The following SGK3 variants were observed in gnomAD, a reference collection of about 807,000 sequenced individuals.
SGK3 encodes serine/threonine-protein kinase Sgk3.
SGK3 carries 47 observed loss-of-function variants against 68.5 expected under a neutral mutation model. That is an observed-to-expected ratio of 0.69 (90% CI 0.54 to 0.87). The LOEUF (loss-of-function observed/expected upper bound fraction) is 0.87. SGK3 is among the 40% of genes least tolerant of loss of function. The probability of loss-of-function intolerance (pLI) is 0.00; values close to 1 mark genes in which losing one functional copy is unlikely to be tolerated. For missense variants in SGK3, 479 were observed against 575.5 expected, an observed-to-expected ratio of 0.83 and a Z score of 1.72; for synonymous variants, 181 against 189.1, an observed-to-expected ratio of 0.96 and a Z score of 0.35.
chr8:66,856,005 A>G (rs1298763545), intron 16 of SGK3, among the ~76,000 whole-genome samples: 4 of 152,198 alleles, frequency 2.6e-5, no homozygotes, highest in Non-Finnish European at 5.9e-5. Flanking sequence ...TCTCAAAATT[A>G]AAGTTCCAGA....
At chr8:66,732,701 TG>T (rs1805200770) in intron 1 of SGK3, among the ~76,000 whole-genome samples, 1 of 151,928 alleles carries the variant, frequency 6.6e-6, no homozygotes, top group Non-Finnish European at 1.5e-5. Context: ...AAAAATTAGC[TG>T]GGCATGGTGG....
At chr8:66,822,499 A>G in intron 6 of SGK3, 40 bp downstream of exon 6, 1 of 1,585,290 alleles carries the variant, frequency 6.3e-7, no homozygotes, top group Non-Finnish European at 8.6e-7. Flanking sequence ...AAAAAATACT[A>G]TTCCAAAGGT....
chr8:66,818,891 A>C (rs1269462092), intron 5 of SGK3, among the ~76,000 whole-genome samples: 1 of 152,338 alleles, frequency 6.6e-6, no homozygotes, highest in East Asian at 1.9e-4. Context: ...TTTGGTGCAC[A>C]TGTGCCAACA....
At chr8:66,810,621 A>G (rs541004992) in intron 4 of SGK3, among the ~76,000 whole-genome samples, 23 of 152,292 alleles carry the variant, frequency 1.5e-4, no homozygotes, top group Non-Finnish European at 2.6e-4. Flanking sequence ...GAATCGCTTG[A>G]ACCTGGGAGG....
chr8:66,855,288 C>T (rs556049514), intron 16 of SGK3, among the ~76,000 whole-genome samples: 9 of 152,248 alleles, frequency 5.9e-5, no homozygotes, highest in East Asian at 3.9e-4. Flanking sequence ...CTGAAACCTC[C>T]GCCTCCCGGG....
intron 6 of SGK3, among the ~76,000 whole-genome samples, chr8:66,828,232 T>A (rs1287802034): frequency 6.6e-6 from 1 of 152,242 alleles, no homozygotes; most frequent in Non-Finnish European, 1.5e-5. Flanking sequence ...TTTGCAATCA[T>A]CATTGTCATC....
At position 66,831,124 on chromosome 8, in the gene SGK3, A is replaced by G. The variant is rs979295303; in HGVS notation, c.468-130A>G. On this transcript the variant is annotated intron_variant, in intron 7 of 16. Transcript: ENST00000521198. Reference sequence around the variant, plus strand: ...TGAAAGATGAAGTACTCAGCAGGAAAGCTAGAGTTAATAGGCTGAAGTGTT... The same window carrying G: ...TGAAAGATGAAGTACTCAGCAGGAAGGCTAGAGTTAATAGGCTGAAGTGTT... The G allele has an allele frequency of 7.0e-6, 7 of 994,014 alleles. No homozygotes were observed. The African/African-American group carries it at 1.1e-4, about 16-fold the overall frequency. 61.6% of individuals were successfully genotyped at this position (994,014 alleles called of 1,614,324 possible).
intron 3 of SGK3, among the ~76,000 whole-genome samples, chr8:66,799,391 A>C (rs1471408977): frequency 6.6e-6 from 1 of 152,204 alleles, no homozygotes; most frequent in African/African-American, 2.4e-5. Flanking sequence ...GCAAGACACC[A>C]TCTAAAAAAA....
chr8:66,835,645 G>A (rs1585790166), intron 8 of SGK3, 118 bp from the exon 9 acceptor site: 1 of 1,058,712 alleles, frequency 9.4e-7, no homozygotes, highest in Non-Finnish European at 1.3e-6. Context: ...ACATGATCTA[G>A]GTCCCTTATG....
intron 1 of SGK3, among the ~76,000 whole-genome samples, chr8:66,792,329 C>CAAAA (rs1215954300): frequency 3.7e-5 from 2 of 53,554 alleles, no homozygotes; most frequent in South Asian, 6.3e-4. Context: ...AACTCCATCT[C>CAAAA]AAAAAAAAAA....
At chr8:66,761,119 T>A (rs1267874562) in intron 1 of SGK3, among the ~76,000 whole-genome samples, 1 of 152,146 alleles carries the variant, frequency 6.6e-6, no homozygotes, top group Non-Finnish European at 1.5e-5. Flanking sequence ...TTTATTTAAT[T>A]TTTAGAGACA....
intron 1 of SGK3, chr8:66,775,704 G>C (rs2130503495): frequency 6.6e-6 from 1 of 152,444 alleles, no homozygotes; most frequent in East Asian, 1.9e-4. Context: ...AAACCCGATA[G>C]TGAGCTTGCG....
At chr8:66,765,301 A>G (rs1305840769) in intron 1 of SGK3, among the ~76,000 whole-genome samples, 1 of 151,880 alleles carries the variant, frequency 6.6e-6, no homozygotes, top group African/African-American at 2.4e-5. Context: ...GCGTTTCCCT[A>G]ATGACTAATG....
intron 1 of SGK3, chr8:66,737,362 A>C (rs1805351357): frequency 6.6e-6 from 1 of 152,058 alleles, no homozygotes; most frequent in Non-Finnish European, 1.5e-5. Context: ...CTTAAAAAAA[A>C]AAAAATTCTG....
intron 1 of SGK3, among the ~76,000 whole-genome samples, chr8:66,742,878 T>C (rs1238119057): frequency 2.0e-5 from 3 of 152,152 alleles, no homozygotes; most frequent in Non-Finnish European, 4.4e-5. Flanking sequence ...GTCTCCATTT[T>C]CCACTCCTCT....
intron 4 of SGK3, among the ~76,000 whole-genome samples, chr8:66,804,918 A>G (rs1257841884): frequency 6.6e-6 from 1 of 151,994 alleles, no homozygotes; most frequent in African/African-American, 2.4e-5. Context: ...CATCTCTACA[A>G]AAATTTAAAG....
chr8:66,776,713 GCTTTC>G (rs149850734), intron 1 of SGK3, among the ~76,000 whole-genome samples: 1 of 152,294 alleles, frequency 6.6e-6, no homozygotes, highest in African/African-American at 2.4e-5. Flanking sequence ...TCTGTGAATG[GCTTTC>G]CTTTCCAGCA....
chr8:66,776,102 T>G (rs1806701128), intron 1 of SGK3, among the ~76,000 whole-genome samples: 1 of 152,214 alleles, frequency 6.6e-6, no homozygotes, highest in Non-Finnish European at 1.5e-5. Context: ...GTATATTCTT[T>G]CCTCAGAGCT....
chr8:66,835,754 C>G lies in SGK3; in HGVS notation c.526-9C>G, dbSNP rs1347313506. 1.9e-6 allele frequency: 3 copies of G among 1,609,134 alleles called. No homozygotes were observed. The highest frequency in any genetic ancestry group is 1.7e-5 in the Admixed American group (1 of 58,920). The stretch of plus-strand genomic sequence containing the variant: ...TCTAATAGTATACACTAATGTTTAA[C>G]TATAACAGGTTCTTCTTGCAAAACG... On this transcript the variant is annotated splice_polypyrimidine_tract_variant and intron_variant, in intron 8 of 16. Coordinates refer to ENST00000521198, the MANE Select transcript of SGK3 (RefSeq NM_001033578.3).
Sources: allele counts gnomAD v4.1 joint callset (sites outside exome capture counted in the v4.1 genomes callset), GRCh38; gene constraint gnomAD v4.1.1; transcripts MANE v1.5; gene names NCBI Gene and HGNC (gene_info 2026-07-23, HGNC 2026-07-21).